The following TMEM135 variants were observed in gnomAD, a reference collection of about 807,000 sequenced individuals.
The protein encoded by TMEM135 is transmembrane protein 135, also known as peroxisomal membrane protein 52.
Under a neutral mutation model 60.3 loss-of-function variants are expected in TMEM135, and 30 were observed. The observed-to-expected ratio is 0.50, with a 90% CI of 0.37 to 0.68. The LOEUF is 0.68. Among genes scored for constraint, TMEM135 ranks in the 30% least tolerant of loss-of-function variants. TMEM135 has a pLI of 0.00. For synonymous variants in TMEM135, 190 were observed against 186.7 expected, an observed-to-expected ratio of 1.02 and a Z score of -0.14; for missense variants, 468 against 548.8, an observed-to-expected ratio of 0.85 and a Z score of 1.47.
chr11:87,306,138 T>A, intron 9 of TMEM135, 133 bp downstream of exon 9: 1 of 492,352 alleles, frequency 2.0e-6, no homozygotes, highest in Non-Finnish European at 3.3e-6. Flanking sequence ...GAATTTGACT[T>A]CAAGAGTGAG....
At chr11:87,255,386 T>G (rs1257964400) in intron 6 of TMEM135, among the ~76,000 whole-genome samples, 2 of 152,232 alleles carry the variant, frequency 1.3e-5, no homozygotes, top group Non-Finnish European at 2.9e-5. Flanking sequence ...GAGTGATGAA[T>G]GAAGCCAAAC....
chr11:87,073,569 C>T (rs1031770149), intron 3 of TMEM135, among the ~76,000 whole-genome samples: 6 of 152,194 alleles, frequency 3.9e-5, no homozygotes, highest in African/African-American at 1.4e-4. Flanking sequence ...GATTTTGGAG[C>T]TGTGCTATCT....
chr11:87,092,797 C>CT (rs1265347549), intron 4 of TMEM135, among the ~76,000 whole-genome samples: 2 of 33,880 alleles, frequency 5.9e-5, no homozygotes, highest in Non-Finnish European at 1.0e-4. Flanking sequence ...TCTGTGGTTA[C>CT]TTTTTTTTAC....
intron 5 of TMEM135, among the ~76,000 whole-genome samples, chr11:87,230,167 A>G (rs1940860381): frequency 6.6e-6 from 1 of 152,024 alleles, no homozygotes; most frequent in Non-Finnish European, 1.5e-5. Flanking sequence ...TCTACTTTCT[A>G]TAGGTGGACT....
intron 5 of TMEM135, among the ~76,000 whole-genome samples, chr11:87,201,439 G>T (rs761852021): frequency 2.6e-5 from 4 of 152,082 alleles, no homozygotes; most frequent in Non-Finnish European, 4.4e-5. Flanking sequence ...CTAAGGTCTC[G>T]TAGATGCAGT....
chr11:87,153,581 A>G (rs1938614446), intron 4 of TMEM135, among the ~76,000 whole-genome samples: 1 of 152,010 alleles, frequency 6.6e-6, no homozygotes, highest in African/African-American at 2.4e-5. Flanking sequence ...TATCCCTTCT[A>G]CCTCATTGTT....
At chr11:87,170,614 C>G (rs966239796) in intron 5 of TMEM135, among the ~76,000 whole-genome samples, 1 of 152,152 alleles carries the variant, frequency 6.6e-6, no homozygotes, top group Non-Finnish European at 1.5e-5. Context: ...TATTCACCAG[C>G]TGAGGCTGCA....
chr11:87,213,094 A>T (rs750983507), intron 5 of TMEM135, among the ~76,000 whole-genome samples: 10 of 152,244 alleles, frequency 6.6e-5, no homozygotes, highest in African/African-American at 2.4e-4. Flanking sequence ...GTATTCATTG[A>T]TAAGATTCTG....
intron 1 of TMEM135, among the ~76,000 whole-genome samples, chr11:87,066,872 C>T (rs1432226160): frequency 6.6e-6 from 1 of 150,688 alleles, no homozygotes; most frequent in Non-Finnish European, 1.5e-5. Flanking sequence ...CCTCCGCCTC[C>T]CGGGTTCAAG....
intron 5 of TMEM135, among the ~76,000 whole-genome samples, chr11:87,159,934 A>G (rs1486094442): frequency 6.6e-6 from 1 of 152,196 alleles, no homozygotes; most frequent in Non-Finnish European, 1.5e-5. Flanking sequence ...CATTGTATTT[A>G]TCAATATTGG....
chr11:87,046,497 A>T (rs958888519), intron 1 of TMEM135, among the ~76,000 whole-genome samples: 3 of 152,236 alleles, frequency 2.0e-5, no homozygotes, highest in Non-Finnish European at 4.4e-5. Flanking sequence ...GCTTATTAGG[A>T]TATGTAGAAG....
intron 6 of TMEM135, among the ~76,000 whole-genome samples, chr11:87,240,300 A>T (rs1428564657): frequency 6.6e-6 from 1 of 152,016 alleles, no homozygotes; most frequent in Admixed American, 6.6e-5. Context: ...CCTTTGTTCA[A>T]TCACCTTATT....
At chr11:87,142,954 C>T (rs1160566143) in intron 4 of TMEM135, among the ~76,000 whole-genome samples, 1 of 151,304 alleles carries the variant, frequency 6.6e-6, no homozygotes, top group African/African-American at 2.4e-5. Context: ...CAATTACATG[C>T]ATTGAACTAT....
chr11:87,197,400 T>A (rs1939985969), intron 5 of TMEM135, among the ~76,000 whole-genome samples: 1 of 152,116 alleles, frequency 6.6e-6, no homozygotes, highest in African/African-American at 2.4e-5. Context: ...TCCTTTGTGT[T>A]GTCCCATAAA....
At position 87,067,484 on chromosome 11, in the gene TMEM135, C is replaced by T. The variant is rs527409184; in HGVS notation, c.142-210C>T. ...AGATTATTCAACGTATGACCCATAT[C>T]GTAATTCCTTGGTGTATATTTTACC... On this transcript the variant is annotated intron_variant, in intron 1 of 14. Transcript: ENST00000305494. Among the ~76,000 whole-genome samples, 524 of 152,166 alleles carry T rather than the reference C, an allele frequency of 3.4e-3. 3 individuals are homozygous for T. Among genetic ancestry groups the T allele is most frequent in the Non-Finnish European group, 6.0e-3 (411 of 67,994 alleles).
chr11:87,295,184 G>A (rs1942328307), intron 6 of TMEM135, among the ~76,000 whole-genome samples: 1 of 152,118 alleles, frequency 6.6e-6, no homozygotes, highest in Admixed American at 6.5e-5. Context: ...GCTATAGTGA[G>A]CACTCAATAA....
At chr11:87,255,326 G>A (rs1941504553) in intron 6 of TMEM135, among the ~76,000 whole-genome samples, 1 of 152,224 alleles carries the variant, frequency 6.6e-6, no homozygotes, top group African/African-American at 2.4e-5. Flanking sequence ...TGAACTAGTT[G>A]TTAGTGTATC....
chr11:87,186,567 A>G (rs1162646696), intron 5 of TMEM135, among the ~76,000 whole-genome samples: 1 of 152,142 alleles, frequency 6.6e-6, no homozygotes, highest in Admixed American at 6.5e-5. Context: ...CCCTTGAGAA[A>G]TCTGTTACTT....
intron 6 of TMEM135, among the ~76,000 whole-genome samples, chr11:87,282,296 C>T (rs1942074970): frequency 1.3e-5 from 2 of 151,662 alleles, no homozygotes; most frequent in South Asian, 4.2e-4. Context: ...TGGAGTTTTG[C>T]TCTTGTTGCC....
Sources: gnomAD v4.1 joint callset for allele counts (sites outside exome capture counted in the v4.1 genomes callset) on GRCh38, gnomAD v4.1.1 for gene constraint, MANE v1.5 for transcripts, NCBI Gene and HGNC (gene_info 2026-07-23, HGNC 2026-07-21) for gene names.